ARMCX2: variants seen among roughly 807,000 people sequenced by gnomAD.
ARMCX2 encodes the protein armadillo repeat containing X-linked 2.
A neutral mutation model predicts 17.0 loss-of-function variants in ARMCX2; 2 were observed. The ratio of observed to expected loss-of-function variants is 0.12; its 90% CI spans 0.05 to 0.37. ARMCX2 has a LOEUF of 0.37. Ranked by LOEUF, ARMCX2 falls within the 10% of genes least tolerant of loss-of-function variation. The pLI is 1.00. For synonymous variants in ARMCX2, 182 were observed against 195.2 expected (o/e 0.93, Z 0.57); for missense variants, 408 against 497.7 (o/e 0.82, Z 1.72).
rs1936214536 is a variant in ARMCX2 at position 101,655,550 on chromosome X, T to C, written c.*140A>G. ...CTGTCACAGATAACATCACTCTGGA[T>C]GATACATTATTCAACACTGGCAGCT... is the stretch of plus-strand genomic sequence containing the variant. On this transcript the variant is annotated 3_prime_UTR_variant, in exon 6 of 6. Transcript: ENST00000356824. 2.3e-6 allele frequency: 1 copy of C among 435,840 alleles called. No individual in the cohort carries two copies. The allele number at this position is 435,840 out of a possible 1,213,427, so 35.9% of individuals were successfully genotyped here.
rs1556069173 is a variant in ARMCX2 at position 101,657,394 on chromosome X, A to C, written c.195T>G (p.Leu65=). 1 of 1,211,805 alleles carries C rather than the reference A, an allele frequency of 8.3e-7. No homozygotes were observed. Among genetic ancestry groups the C allele is most frequent in the Non-Finnish European group, 1.1e-6 (1 of 895,489 alleles). Residue 65 remains leucine, a synonymous_variant, in exon 6 of 6, where the codon CTT becomes CTG. Coordinates refer to ENST00000356824, the MANE Select transcript of ARMCX2 (RefSeq NM_177949.4). The part of the protein sequence containing the change: ...AGLRAGFTID[L]GSGFSPPTPV... Reference sequence around the variant, plus strand: ...GGGTTGGGGGACTGAATCCTGACCCAAGGTCGATTGTGAATCCGGCTCTTA... The same window carrying C: ...GGGTTGGGGGACTGAATCCTGACCCCAGGTCGATTGTGAATCCGGCTCTTA...
At position 101,657,575 on chromosome X, in the gene ARMCX2, C is replaced by T. The variant is rs1162716135; in HGVS notation, c.14G>A (p.Arg5Gln). 1.3e-5 allele frequency: 16 copies of T among 1,206,129 alleles called. No homozygotes were observed. The highest frequency in any genetic ancestry group is 5.2e-5 in the African/African-American group (3 of 57,212). ...CCCCGCCGCTACACAGCCAGCATCCCGAACGCGGCTCATGGTGCAGCTGGG... is the reference window on the plus strand; with the variant it reads ...CCCCGCCGCTACACAGCCAGCATCCTGAACGCGGCTCATGGTGCAGCTGGG... MSRV[R>Q]DAGCVAAGIV... is the part of the protein sequence containing the mutation. Residue 5 changes from arginine to glutamine, a missense_variant, in exon 6 of 6, where the codon CGG (arginine) becomes CAG (glutamine). Transcript: ENST00000356824.
chrX:101,656,445 T>C lies in ARMCX2; in HGVS notation c.1144A>G (p.Ile382Val). 1 of 1,210,476 alleles carries C rather than the reference T, an allele frequency of 8.3e-7. No individual in the cohort carries two copies. The highest frequency in any genetic ancestry group is 3.0e-5 in the East Asian group (1 of 33,760). The change falls in exon 6 of 6, where the codon ATT (isoleucine) becomes GTT (valine). Residue 382 changes from isoleucine (I) to valine (V), a missense_variant. This residue lies in a region of ARMCX2 where 307 missense variants were observed against 326.8 expected (regional missense o/e 0.94). Coordinates refer to ENST00000356824, the MANE Select transcript of ARMCX2 (RefSeq NM_177949.4). ...KRPFPYEIDE[I>V]LGVRDLRKVL... Reference sequence around the variant, plus strand: ...TTCCTGAGATCGCGGACACCCAGAATCTCATCAATTTCATAAGGAAAGGGG... The same window carrying C: ...TTCCTGAGATCGCGGACACCCAGAACCTCATCAATTTCATAAGGAAAGGGG...
rs372484133 is a variant in ARMCX2 at position 101,656,454 on chromosome X, T to C, written c.1135A>G (p.Ile379Val). The change falls in exon 6 of 6, where the codon ATT becomes GTT. Residue 379 changes from isoleucine to valine, a missense_variant. Physicochemically the swap from Ile to Val is conservative, Grantham distance 29. Coordinates refer to ENST00000356824, the MANE Select transcript of ARMCX2 (RefSeq NM_177949.4). ...TCGCGGACACCCAGAATCTCATCAA[T>C]TTCATAAGGAAAGGGGCGCTTCTGC... ...AMQKRPFPYE[I>V]DEILGVRDLR... is the part of the protein sequence containing the mutation. 34 of 1,208,418 alleles carry C rather than the reference T, an allele frequency of 2.8e-5. No individual in the cohort carries two copies. The East Asian group carries it at 5.6e-4, about 20-fold the overall frequency.
At position 101,656,660 on chromosome X, in the gene ARMCX2, C is replaced by T. The variant is rs1556056958; in HGVS notation, c.929G>A (p.Gly310Asp). 1 of 1,210,993 alleles carries T rather than the reference C, an allele frequency of 8.3e-7. No individual in the cohort carries two copies. The highest frequency in any genetic ancestry group is 1.1e-6 in the Non-Finnish European group (1 of 895,319). The change falls in exon 6 of 6, where the codon GGC (glycine) becomes GAC (aspartate). Residue 310 changes from glycine (G) to aspartate (D), a missense_variant. Transcript: ENST00000356824. ...TGCAGCCCCATCTCCAGGACGGAAGCCCATCCCCAGTTCGTCTACTTCAAC... is the reference window on the plus strand; with the variant it reads ...TGCAGCCCCATCTCCAGGACGGAAGTCCATCCCCAGTTCGTCTACTTCAAC... ...SKVEVDELGM[G>D]FRPGDGAAAA...
At position 101,656,295 on chromosome X, in the gene ARMCX2, T is replaced by C; in HGVS notation, c.1294A>G (p.Ile432Val). The C allele has an allele frequency of 2.5e-6, 3 of 1,210,727 alleles. No individual in the cohort carries two copies. Among genetic ancestry groups the C allele is most frequent in the South Asian group, 1.8e-5 (1 of 56,911 alleles). Residue 432 changes from isoleucine to valine, a missense_variant, in exon 6 of 6, where the codon ATT becomes GTT. By Grantham distance (29) the Ile-to-Val change is conservative. Coordinates refer to ENST00000356824, the MANE Select transcript of ARMCX2 (RefSeq NM_177949.4). ...ETIRKLGGLP[I>V]IANMINKTDP... ...GTTTTGTTGATCATGTTTGCAATAA[T>C]TGGGAGGCCTCCCAATTTGCGGATT... is the stretch of plus-strand genomic sequence containing the variant.
At position 101,656,504 on chromosome X, in the gene ARMCX2, C is replaced by G. The variant is rs1556055239; in HGVS notation, c.1085G>C (p.Gly362Ala). ...CATGGCAACGGGTCTTCTTCCCCTC[C>G]CTCTGCGCTGGGTCTCGGGCTCAGA... ...SDSEPETQRR[G>A]RGRRPVAMQK... Residue 362 changes from glycine (G) to alanine (A), a missense_variant, in exon 6 of 6, where the codon GGG becomes GCG. Coordinates refer to ENST00000356824, the MANE Select transcript of ARMCX2 (RefSeq NM_177949.4). 3 of 1,210,697 alleles carry G rather than the reference C, an allele frequency of 2.5e-6. No individual in the cohort carries two copies. The Admixed American group carries it at 6.5e-5, about 26-fold the overall frequency.
Position 101,657,188 on chromosome X carries a change from G to T in ARMCX2, c.401C>A (p.Ala134Glu), listed in dbSNP as rs782367692. Residue 134 changes from alanine (A) to glutamate (E), a missense_variant, in exon 6 of 6, where the codon GCA becomes GAA. Coordinates refer to ENST00000356824, the MANE Select transcript of ARMCX2 (RefSeq NM_177949.4). ...AGGTGGTGCTATTGCAGAAGCCATT[G>T]CAGCCCCAACTACTGATTCGGCCTT... is the stretch of plus-strand genomic sequence containing the variant. The part of the protein sequence containing the change: ...GPKAESVVGA[A>E]MASAIAPPPG... 1.7e-6 allele frequency: 2 copies of T among 1,189,668 alleles called. No homozygotes were observed. The highest frequency in any genetic ancestry group is 2.3e-6 in the Non-Finnish European group (2 of 882,383).
rs1936325468 is a variant in ARMCX2 at position 101,657,156 on chromosome X, C to T, written c.433G>A (p.Val145Met). The change falls in exon 6 of 6, where the codon GTG becomes ATG. Residue 145 changes from valine (V) to methionine (M), a missense_variant. By Grantham distance (21) the Val-to-Met change is conservative. Around this residue, in one of 2 missense-constraint regions of ARMCX2, gnomAD observed 307 missense variants for 326.8 expected, o/e 0.94. Transcript: ENST00000356824. ...MASAIAPPPG[V>M]TEALGAAEAP... ...TCTGCAGCCCCAAGGGCCTCTGTCACCCCGGGAGGTGGTGCTATTGCAGAA... is the reference window on the plus strand; with the variant it reads ...TCTGCAGCCCCAAGGGCCTCTGTCATCCCGGGAGGTGGTGCTATTGCAGAA... 8.4e-7 allele frequency: 1 copy of T among 1,188,463 alleles called. No individual in the cohort carries two copies. Among genetic ancestry groups the T allele is most frequent in the Non-Finnish European group, 1.1e-6 (1 of 883,220 alleles).
chrX:101,658,647 T>G, intron 3 of ARMCX2, 122 bp from the exon 4 acceptor site: 1 of 111,370 alleles, frequency 9.0e-6, no homozygotes, highest in Non-Finnish European at 1.9e-5. Flanking sequence ...TGTCAAATGA[T>G]TCTACCTCTC....
Position 101,657,246 on chromosome X carries a change from C to A in ARMCX2, c.343G>T (p.Ala115Ser), listed in dbSNP as rs782469676. 16 of 1,205,155 alleles carry A rather than the reference C, an allele frequency of 1.3e-5. No individual in the cohort carries two copies. In the East Asian group the frequency reaches 2.1e-4, roughly 16 times the overall value. Residue 115 changes from alanine (A) to serine (S), a missense_variant, in exon 6 of 6, where the codon GCC becomes TCC. Around this residue, in one of 2 missense-constraint regions of ARMCX2, gnomAD observed 307 missense variants for 326.8 expected, o/e 0.94. Coordinates refer to ENST00000356824, the MANE Select transcript of ARMCX2 (RefSeq NM_177949.4). ...ACCCCGGCTCCATCTGCCTCTTGGGCCTGACTGCCTGCCCCACTCTGAGCC... is the reference window on the plus strand; with the variant it reads ...ACCCCGGCTCCATCTGCCTCTTGGGACTGACTGCCTGCCCCACTCTGAGCC... ...AEAQSGAGSQ[A>S]QEADGAGVGP...
At chrX:101,658,789 C>G (rs1349368196) in intron 3 of ARMCX2, 2 of 110,936 alleles carry the variant, frequency 1.8e-5, no homozygotes, top group Non-Finnish European at 3.8e-5. Flanking sequence ...CACCGCCACA[C>G]CCCTTCTCCT....
rs782261396 is a variant in ARMCX2 at position 101,655,910 on chromosome X, G to C, written c.1679C>G (p.Ser560Cys). ...VPASFSSLYNSYVESEILINA... is the reference protein window; with the variant it reads ...VPASFSSLYNCYVESEILINA... ...AATAAGGATTTCTGATTCCACGTAA[G>C]AATTATAGAGGGAACTAAATGATGC... is the stretch of plus-strand genomic sequence containing the variant. Residue 560 changes from serine (S) to cysteine (C), a missense_variant, in exon 6 of 6, where the codon TCT (serine) becomes TGT (cysteine). By Grantham distance (112) the Ser-to-Cys change is moderately radical. This residue lies in a region of ARMCX2 where 101 missense variants were observed against 170.9 expected (regional missense o/e 0.59). Transcript: ENST00000356824. The C allele has an allele frequency of 8.3e-7, 1 of 1,209,625 alleles. No individual in the cohort carries two copies.
chrX:101,657,284 G>A lies in ARMCX2; in HGVS notation c.305C>T (p.Ala102Val). The change falls in exon 6 of 6, where the codon GCA (alanine) becomes GTA (valine). Residue 102 changes from alanine (A) to valine (V), a missense_variant. Around this residue, in one of 2 missense-constraint regions of ARMCX2, gnomAD observed 307 missense variants for 326.8 expected, o/e 0.94. Coordinates refer to ENST00000356824, the MANE Select transcript of ARMCX2 (RefSeq NM_177949.4). The part of the protein sequence containing the change: ...TVGAEAVAPA[A>V]SSAEAQSGAG... ...CCCACTCTGAGCCTCAGCGCTGGAT[G>A]CAGCTGGGGCCACTGCCTCAGCTCC... 1 of 1,209,406 alleles carries A rather than the reference G, an allele frequency of 8.3e-7. No homozygotes were observed. The highest frequency in any genetic ancestry group is 1.1e-6 in the Non-Finnish European group (1 of 893,186).
In ARMCX2 at chrX:101,655,703, A is replaced by T; in HGVS notation, c.1886T>A (p.Val629Glu). ...LLVKVKVIKLVNKF is the reference protein window; with the variant it reads ...LLVKVKVIKLENKF Reference sequence around the variant, plus strand: ...GTACATAACCAATCAGAATTTGTTCACTAGTTTTATAACTTTCACTTTCAC... The same window carrying T: ...GTACATAACCAATCAGAATTTGTTCTCTAGTTTTATAACTTTCACTTTCAC... Residue 629 changes from valine (V) to glutamate (E), a missense_variant, in exon 6 of 6, where the codon GTG (valine) becomes GAG (glutamate). Coordinates refer to ENST00000356824, the MANE Select transcript of ARMCX2 (RefSeq NM_177949.4). 8.8e-7 allele frequency: 1 copy of T among 1,137,879 alleles called. No individual in the cohort carries two copies. The highest frequency in any genetic ancestry group is 1.2e-6 in the Non-Finnish European group (1 of 860,568). The allele number at this position is 1,137,879 out of a possible 1,213,427, so 93.8% of individuals were successfully genotyped here. A position where few individuals can be genotyped will look rare whatever the true frequency, so the allele number is the denominator to read the frequency against.
At chrX:101,658,614 C>T (rs1234260835) in intron 3 of ARMCX2, 89 bp from the exon 4 acceptor site, 2 of 112,321 alleles carry the variant, frequency 1.8e-5, no homozygotes, top group Non-Finnish European at 3.8e-5. Context: ...CAGTAACTGC[C>T]TTTTCGTGTT....
rs782151851 is a variant in ARMCX2, at chrX:101,657,554, G to A, written c.35C>T (p.Ala12Val). The change falls in exon 6 of 6, where the codon GCG becomes GTG. Residue 12 changes from alanine (A) to valine (V), a missense_variant. Ala to Val is a moderately conservative substitution (Grantham distance 64). Coordinates refer to ENST00000356824, the MANE Select transcript of ARMCX2 (RefSeq NM_177949.4). ...GGCACCAGCCCCTATCACTATCCCC[G>A]CCGCTACACAGCCAGCATCCCGAAC... ...SRVRDAGCVA[A>V]GIVIGAGAWY... The A allele has an allele frequency of 1.7e-6, 2 of 1,208,776 alleles. No homozygotes were observed. The highest frequency in any genetic ancestry group is 3.5e-5 in the African/African-American group (2 of 57,255).
At position 101,655,683 on chromosome X, in the gene ARMCX2, T is replaced by C. The variant is rs1556047310; in HGVS notation, c.*7A>G. The C allele has an allele frequency of 8.9e-7, 1 of 1,121,418 alleles. No homozygotes were observed. Among genetic ancestry groups the C allele is most frequent in the Non-Finnish European group, 1.2e-6 (1 of 848,134 alleles). 92.4% of individuals were successfully genotyped at this position (1,121,418 alleles called of 1,213,427 possible). A position where few individuals can be genotyped will look rare whatever the true frequency, so the allele number is the denominator to read the frequency against. ...TTTCTTCAAGTCTTTTGACGGTACA[T>C]AACCAATCAGAATTTGTTCACTAGT... On this transcript the variant is annotated 3_prime_UTR_variant, in exon 6 of 6. Transcript: ENST00000356824.
Position 101,657,128 on chromosome X carries a change from G to A in ARMCX2, c.461C>T (p.Ala154Val). ...GVTEALGAAE[A>V]PAMAGAPKVA... ...TTTGGGAGCCCCTGCCATTGCAGGG[G>A]CTTCTGCAGCCCCAAGGGCCTCTGT... Residue 154 changes from alanine (A) to valine (V), a missense_variant, in exon 6 of 6, where the codon GCC (alanine) becomes GTC (valine). Ala to Val is a moderately conservative substitution (Grantham distance 64). Around this residue, in one of 2 missense-constraint regions of ARMCX2, gnomAD observed 307 missense variants for 326.8 expected, o/e 0.94. Coordinates refer to ENST00000356824, the MANE Select transcript of ARMCX2 (RefSeq NM_177949.4). 1 of 1,190,819 alleles carries A rather than the reference G, an allele frequency of 8.4e-7. No homozygotes were observed. The highest frequency in any genetic ancestry group is 1.1e-6 in the Non-Finnish European group (1 of 886,295).
Sources: gnomAD v4.1 joint callset for allele counts on GRCh38, gnomAD v4.1.1 for gene constraint, gnomAD v4.1.1 regional missense constraint, MANE v1.5 for transcripts, NCBI Gene and HGNC (gene_info 2026-07-23, HGNC 2026-07-21) for gene names.